PARPBP: variants seen among roughly 807,000 people sequenced by gnomAD.
The protein encoded by PARPBP is PARP1 binding protein, also known as PCNA-interacting partner.
PARPBP carries 52 observed loss-of-function variants against 50.0 expected under a neutral mutation model. That is an observed-to-expected ratio of 1.04 (90% confidence interval 0.83 to 1.31). The LOEUF is 1.31. Among genes scored for constraint, PARPBP ranks in the 50% most tolerant of loss-of-function variants. PARPBP has a pLI of 0.00. For synonymous variants in PARPBP, 244 were observed against 232.1 expected (o/e 1.05, Z -0.47); for missense variants, 697 against 672.0 (o/e 1.04, Z -0.41).
In PARPBP at chr12:102,176,045, C is replaced by T. The variant is rs558555217; in HGVS notation, c.1005+379C>T. ...TAGCCCAGACTGTAGTGCAATGGCA[C>T]GATCTTGGTTCACTGCAACCTCTGC... On this transcript the variant is annotated intron_variant, in intron 7 of 10. Coordinates refer to ENST00000327680, the MANE Select transcript of PARPBP (RefSeq NM_017915.5). Among the ~76,000 whole-genome samples the T allele has an allele frequency of 6.6e-5, 10 of 151,264 alleles. No homozygotes were observed. In the South Asian group the frequency reaches 1.0e-3, roughly 16 times the overall value.
At chr12:102,168,220 ATGTT>A (rs1172805219) in intron 6 of PARPBP, among the ~76,000 whole-genome samples, 1 of 152,134 alleles carries the variant, frequency 6.6e-6, no homozygotes, top group African/African-American at 2.4e-5. Flanking sequence ...ATAAATGTGT[ATGTT>A]CAATCCAATA....
At chr12:102,123,852 G>C (rs1482816404) in intron 1 of PARPBP, 34 bp from the exon 2 acceptor site, 23 of 1,458,342 alleles carry the variant, frequency 1.6e-5, no homozygotes, top group Non-Finnish European at 2.0e-5. Context: ...GTTAACATAA[G>C]ATACTTTAAC....
At chr12:102,165,977 C>A in intron 6 of PARPBP, 94 bp downstream of exon 6, 1 of 793,896 alleles carries the variant, frequency 1.3e-6, no homozygotes, top group East Asian at 2.6e-5. Flanking sequence ...AATGACCAAG[C>A]ATCAGACCAA....
At position 102,164,422 on chromosome 12, in the gene PARPBP, A is replaced by T; in HGVS notation, c.496-16A>T. ...GAACTGCAATAAAGAAATTAACTGA[A>T]TATTTTATTGCACAGGTGCAGCTGC... is the stretch of plus-strand genomic sequence containing the variant. On this transcript the variant is annotated splice_polypyrimidine_tract_variant and intron_variant, in intron 4 of 10. Coordinates refer to ENST00000327680, the MANE Select transcript of PARPBP (RefSeq NM_017915.5). 1 of 1,585,172 alleles carries T rather than the reference A, an allele frequency of 6.3e-7. No homozygotes were observed. The highest frequency in any genetic ancestry group is 2.2e-5 in the East Asian group (1 of 44,712).
intron 8 of PARPBP, among the ~76,000 whole-genome samples, chr12:102,181,336 A>C (rs1280236951): frequency 6.6e-6 from 1 of 152,208 alleles, no homozygotes; most frequent in East Asian, 1.9e-4. Context: ...TATAAAGTAC[A>C]GTTATGCATT....
intron 2 of PARPBP, among the ~76,000 whole-genome samples, chr12:102,139,177 G>T (rs888980821): frequency 1.4e-4 from 21 of 152,156 alleles, no homozygotes; most frequent in Admixed American, 3.3e-4. Context: ...GCAGTGGTTT[G>T]TAGTTCTCCT....
At chr12:102,148,867 T>C (rs1885798797) in intron 3 of PARPBP, 1 of 159,146 alleles carries the variant, frequency 6.3e-6, no homozygotes, top group Non-Finnish European at 1.4e-5. Context: ...AATAATGTTA[T>C]TTTACTACAT....
intron 4 of PARPBP, among the ~76,000 whole-genome samples, chr12:102,161,978 A>G (rs1420204188): frequency 6.6e-6 from 1 of 152,196 alleles, no homozygotes; most frequent in African/African-American, 2.4e-5. Context: ...CTTAAATTCT[A>G]TCTCGAGTCC....
At chr12:102,194,501 A>G (rs997388862) in intron 9 of PARPBP, among the ~76,000 whole-genome samples, 31 of 152,056 alleles carry the variant, frequency 2.0e-4, no homozygotes, top group African/African-American at 6.3e-4. Context: ...ATTAATTTCT[A>G]TCCCCAATAG....
At chr12:102,134,026 TAAACTTAACATTACACCAAAAG>T (rs1456593459) in intron 2 of PARPBP, among the ~76,000 whole-genome samples, 2 of 151,640 alleles carry the variant, frequency 1.3e-5, no homozygotes, top group African/African-American at 4.8e-5. Flanking sequence ...AGATCTTTAA[TAAACTTAACATTACACCAAAAG>T]AAACTAGGAA....
intron 2 of PARPBP, among the ~76,000 whole-genome samples, chr12:102,145,268 C>T (rs889574235): frequency 6.6e-6 from 1 of 152,038 alleles, no homozygotes; most frequent in Non-Finnish European, 1.5e-5. Context: ...TGAATACCCA[C>T]CCATCTTCAA....
chr12:102,170,497 A>AT (rs921438461), intron 6 of PARPBP, among the ~76,000 whole-genome samples: 1 of 152,240 alleles, frequency 6.6e-6, no homozygotes, highest in African/African-American at 2.4e-5. Context: ...GGCTAAGCAT[A>AT]TCTAAACATT....
chr12:102,196,197 G>A lies in PARPBP; in HGVS notation c.1646G>A (p.Gly549Asp). The A allele has an allele frequency of 1.2e-6, 2 of 1,611,562 alleles. No individual in the cohort carries two copies. The highest frequency in any genetic ancestry group is 2.2e-5 in the East Asian group (1 of 44,748). ...AATGATTCACAGAATAGATTGTACG[G>A]CAAACTAGCTAAAGTAGCAAAAAGT... Reference protein sequence around the residue: ...KSNDSQNRLYGKLAKVAKSNK... With the variant: ...KSNDSQNRLYDKLAKVAKSNK... Residue 549 changes from glycine (G) to aspartate (D), a missense_variant, in exon 11 of 11, where the codon GGC becomes GAC. Transcript: ENST00000327680.
rs184323573 is a variant in PARPBP, at chr12:102,135,962, C to T, written c.153+11921C>T. Among the ~76,000 whole-genome samples, 438 of 152,250 alleles carry T rather than the reference C, an allele frequency of 2.9e-3. 7 individuals are homozygous for T. Among genetic ancestry groups the T allele is most frequent in the Admixed American group, 0.027 (414 of 15,304 alleles). ...TTCTACCTGCATTTATGTGAGATAC[C>T]ATTCTACTGAGTCTTAAATCCAGTA... On this transcript the variant is annotated intron_variant, in intron 2 of 10. Transcript: ENST00000327680.
chr12:102,182,374 G>T (rs1889907430), intron 8 of PARPBP, among the ~76,000 whole-genome samples, 175 bp from the exon 9 acceptor site: 1 of 152,134 alleles, frequency 6.6e-6, no homozygotes, highest in Non-Finnish European at 1.5e-5. Flanking sequence ...TGTATTAAAT[G>T]CATTTTTGAC....
chr12:102,136,881 G>A (rs891125647), intron 2 of PARPBP, among the ~76,000 whole-genome samples: 5 of 152,026 alleles, frequency 3.3e-5, no homozygotes, highest in African/African-American at 1.2e-4. Flanking sequence ...TATCCATGAC[G>A]TATATTTTTT....
intron 3 of PARPBP, among the ~76,000 whole-genome samples, chr12:102,149,676 T>C (rs541464687): frequency 2.0e-4 from 31 of 152,254 alleles, no homozygotes; most frequent in African/African-American, 7.5e-4. Context: ...AAACAAAAGC[T>C]CTATTACTAG....
chr12:102,137,647 C>G (rs1192992912), intron 2 of PARPBP, among the ~76,000 whole-genome samples: 1 of 151,978 alleles, frequency 6.6e-6, no homozygotes, highest in East Asian at 1.9e-4. Context: ...AATGCTATCC[C>G]TCCCCGCTCC....
intron 2 of PARPBP, among the ~76,000 whole-genome samples, chr12:102,136,951 T>TTTTG (rs371278419): frequency 1.5e-3 from 230 of 152,192 alleles, no homozygotes; most frequent in Non-Finnish European, 2.8e-3. Context: ...TTTGTGTTTT[T>TTTTG]TTTGTTTGTT....
Sources: gnomAD v4.1 joint callset for allele counts (sites outside exome capture counted in the v4.1 genomes callset) on GRCh38, gnomAD v4.1.1 for gene constraint, MANE v1.5 for transcripts, NCBI Gene and HGNC (gene_info 2026-07-23, HGNC 2026-07-21) for gene names.